The following VSIG2 variants were observed in gnomAD, a reference collection of about 807,000 sequenced individuals.
VSIG2 encodes the protein V-set and immunoglobulin domain-containing protein 2.
A neutral mutation model predicts 29.4 loss-of-function variants in VSIG2; 30 were observed. That is an observed-to-expected ratio of 1.02 (90% CI 0.76 to 1.38). VSIG2 has a LOEUF of 1.38. VSIG2 is among the 40% of genes most tolerant of loss of function. The pLI is 0.00. For synonymous variants in VSIG2, 178 were observed against 174.2 expected (o/e 1.02, Z -0.17); for missense variants, 421 against 400.8 (o/e 1.05, Z -0.43).
chr11:124,748,449 G>T lies in VSIG2; in HGVS notation c.792C>A (p.Val264=). 1 of 1,613,978 alleles carries T rather than the reference G, an allele frequency of 6.2e-7. No individual in the cohort carries two copies. The highest frequency in any genetic ancestry group is 8.5e-7 in the Non-Finnish European group (1 of 1,180,012). ...LLLSVAAFCL[V]RFQKERGKKP... is the part of the protein sequence containing the mutation. ...TCTTCCCCCTCTCTTTCTGGAACCT[G>T]ACCAGGCAGAACGCAGCAACTGACA... The change falls in exon 6 of 7, where the codon GTC becomes GTA. Residue 264 remains valine (V), a synonymous_variant. Transcript: ENST00000326621.
At chr11:124,749,142 C>G (rs1944051524) in intron 4 of VSIG2, among the ~76,000 whole-genome samples, 1 of 152,174 alleles carries the variant, frequency 6.6e-6, no homozygotes, top group South Asian at 2.1e-4. Context: ...TGGCTCTAAG[C>G]TGACACAAAT....
intron 3 of VSIG2, among the ~76,000 whole-genome samples, chr11:124,750,348 T>C (rs1944070039): frequency 6.6e-6 from 1 of 152,198 alleles, no homozygotes; most frequent in African/African-American, 2.4e-5. Context: ...TAGGGGCCCT[T>C]GTTCCTTTGG....
intron 2 of VSIG2, 37 bp from the exon 3 acceptor site, chr11:124,750,958 T>C (rs778420558): frequency 4.4e-6 from 7 of 1,604,622 alleles, no homozygotes; most frequent in Non-Finnish European, 6.0e-6. Flanking sequence ...TGTGCCTGTT[T>C]CTGCCTGGCA....
In VSIG2 at chr11:124,751,009, G is replaced by C. The variant is rs1944079170; in HGVS notation, c.220-88C>G. The C allele has an allele frequency of 6.4e-6, 9 of 1,398,012 alleles. No individual in the cohort carries two copies. In the South Asian group the frequency reaches 9.1e-5, roughly 14 times the overall value. 86.6% of individuals were successfully genotyped at this position (1,398,012 alleles called of 1,614,324 possible). ...TTCCTCATCAAAGTGGGTATAAGAG[G>C]CCTCTGACTTACATCAGCCAGGGAG... On this transcript the variant is annotated intron_variant, in intron 2 of 6. Coordinates refer to ENST00000326621, the MANE Select transcript of VSIG2 (RefSeq NM_014312.5).
chr11:124,750,846 G>T lies in VSIG2; in HGVS notation c.295C>A (p.Pro99Thr). The change falls in exon 3 of 7, where the codon CCC (proline) becomes ACC (threonine). Residue 99 changes from proline (P) to threonine (T), a missense_variant. Coordinates refer to ENST00000326621, the MANE Select transcript of VSIG2 (RefSeq NM_014312.5). ...TTCAGTGTGGCCACCCCCACTGTGGGGGGGTTCTGAAGCAGGCTGACCCGC... is the reference window on the plus strand; with the variant it reads ...TTCAGTGTGGCCACCCCCACTGTGGTGGGGTTCTGAAGCAGGCTGACCCGC... ...SKRVSLLQNPPTVGVATLKLT... is the reference protein window; with the variant it reads ...SKRVSLLQNPTTVGVATLKLT... The T allele has an allele frequency of 6.2e-7, 1 of 1,614,142 alleles. No individual in the cohort carries two copies. The highest frequency in any genetic ancestry group is 8.5e-7 in the Non-Finnish European group (1 of 1,180,028).
intron 3 of VSIG2, 32 bp downstream of exon 3, chr11:124,750,682 T>C (rs780386247): frequency 6.2e-7 from 1 of 1,604,924 alleles, no homozygotes; most frequent in Non-Finnish European, 8.5e-7. Context: ...TGTGAAAGAG[T>C]ATGTGGCTCG....
intron 2 of VSIG2, 89 bp from the exon 3 acceptor site, chr11:124,751,010 C>T: frequency 7.2e-7 from 1 of 1,389,660 alleles, no homozygotes; most frequent in Non-Finnish European, 9.9e-7. Flanking sequence ...GTATAAGAGG[C>T]CTCTGACTTA....
At chr11:124,748,841 A>G in intron 4 of VSIG2, 78 bp from the exon 5 acceptor site, 2 of 1,607,444 alleles carry the variant, frequency 1.2e-6, no homozygotes, top group East Asian at 4.5e-5. Context: ...ATTTCATGTC[A>G]TCCTTATAAC....
chr11:124,747,713 C>T lies in VSIG2; in HGVS notation c.852-46G>A, dbSNP rs147451593. 1.3e-3 allele frequency: 2,063 copies of T among 1,586,746 alleles called. 7 individuals carry two copies. The Middle Eastern group carries it at 0.018, about 14-fold the overall frequency. On this transcript the variant is annotated intron_variant, in intron 6 of 6. Coordinates refer to ENST00000326621, the MANE Select transcript of VSIG2 (RefSeq NM_014312.5). ...CTGAGTGAACAGTAGAAGCCTCCTG[C>T]GGAGGAGGGCCGTCCTCTAACCTGG...
At chr11:124,751,645 C>T in intron 1 of VSIG2, 65 bp from the exon 2 acceptor site, 1 of 1,473,960 alleles carries the variant, frequency 6.8e-7, no homozygotes, top group Non-Finnish European at 9.0e-7. Flanking sequence ...TCGGGCCCAC[C>T]CCCGGGCATC....
chr11:124,751,643 A>G, intron 1 of VSIG2, 63 bp from the exon 2 acceptor site: 1 of 1,469,542 alleles, frequency 6.8e-7, no homozygotes, highest in Non-Finnish European at 9.0e-7. Flanking sequence ...GGTCGGGCCC[A>G]CCCCCGGGCA....
intron 4 of VSIG2, among the ~76,000 whole-genome samples, chr11:124,749,362 T>C (rs933689497): frequency 6.6e-6 from 1 of 152,122 alleles, no homozygotes; most frequent in African/African-American, 2.4e-5. Context: ...CTGCCTCAGT[T>C]TCCTCTCTAG....
intron 6 of VSIG2, chr11:124,747,998 A>G: frequency 2.8e-6 from 1 of 357,264 alleles, no homozygotes; most frequent in Non-Finnish European, 5.0e-6. Context: ...CCCTTTCCTG[A>G]TTTCCTCCAC....
At position 124,751,495 on chromosome 11, in the gene VSIG2, C is replaced by A. The variant is rs369746681; in HGVS notation, c.147G>T (p.Thr49=). ...KTAELTCTYS[T]SVGDSFALEW... is the part of the protein sequence containing the mutation. ...CCAGGGCGAAGCTGTCTCCCACCGA[C>A]GTGCTGTAGGTGCAGGTCAGCTCGG... Residue 49 remains threonine (T), a synonymous_variant, in exon 2 of 7, where the codon ACG becomes ACT. Coordinates refer to ENST00000326621, the MANE Select transcript of VSIG2 (RefSeq NM_014312.5). The A allele has an allele frequency of 9.9e-6, 16 of 1,613,048 alleles. No individual in the cohort carries two copies. In the African/African-American group the frequency reaches 2.0e-4, roughly 20 times the overall value.
At position 124,749,885 on chromosome 11, in the gene VSIG2, A is replaced by AACAAAAAAAAAAAAC; in HGVS notation, c.428-20_428-19insGTTTTTTTTTTTTGT. 7.1e-7 allele frequency: 1 copy of AACAAAAAAAAAAAAC among 1,417,532 alleles called. No homozygotes were observed. The highest frequency in any genetic ancestry group is 9.3e-7 in the Non-Finnish European group (1 of 1,078,336). The allele number at this position is 1,417,532 out of a possible 1,614,324, so 87.8% of individuals were successfully genotyped here. ...GGGGGAACTGCAAAAAAAAAAAAAA[A>AACAAAAAAAAAAAAC]AAAAAAAAAACAGAAAGTTCCTCAG... On this transcript the variant is annotated intron_variant, in intron 3 of 6. Transcript: ENST00000326621.
intron 3 of VSIG2, 35 bp downstream of exon 3, chr11:124,750,679 G>A (rs576286180): frequency 3.1e-6 from 5 of 1,603,790 alleles, no homozygotes; most frequent in South Asian, 1.1e-5. Context: ...GTATGTGAAA[G>A]AGTATGTGGC....
chr11:124,750,382 T>C (rs1944070421), intron 3 of VSIG2, among the ~76,000 whole-genome samples: 1 of 152,186 alleles, frequency 6.6e-6, no homozygotes, highest in African/African-American at 2.4e-5. Context: ...TCTCTGCCAT[T>C]GACCTTGGGA....
chr11:124,751,867 G>A (rs1213288956), intron 1 of VSIG2, among the ~76,000 whole-genome samples: 1 of 152,228 alleles, frequency 6.6e-6, no homozygotes, highest in Non-Finnish European at 1.5e-5. Flanking sequence ...CCGCGGAGAG[G>A]CCCAACTCGC....
Position 124,748,511 on chromosome 11 carries a change from C to A in VSIG2, c.730G>T (p.Gly244Ter), listed in dbSNP as rs763855367. The change falls in exon 6 of 7, where the codon GGA becomes TGA. Residue 244 changes from glycine to a stop codon, truncating the protein, a stop_gained. Transcript: ENST00000326621. LOFTEE classifies it high-confidence loss of function. The part of the protein sequence containing the change: ...VTEPSQGRVA[G>*]ALIGVLLGVL... ...CCCAGGAGCACCCCAATCAGAGCTCCGGCCACTCGGCCTTGGGAGGGTTCT... is the reference window on the plus strand; with the variant it reads ...CCCAGGAGCACCCCAATCAGAGCTCAGGCCACTCGGCCTTGGGAGGGTTCT... 6.2e-7 allele frequency: 1 copy of A among 1,614,146 alleles called. No homozygotes were observed. The highest frequency in any genetic ancestry group is 8.5e-7 in the Non-Finnish European group (1 of 1,180,028).
Sources: gnomAD v4.1 joint callset for allele counts (sites outside exome capture counted in the v4.1 genomes callset) on GRCh38, gnomAD v4.1.1 for gene constraint, MANE v1.5 for transcripts, NCBI Gene and HGNC (gene_info 2026-07-23, HGNC 2026-07-21) for gene names.